Variants in BMPR2 observed in about 807,000 individuals in gnomAD.
BMPR2 encodes the protein bone morphogenetic protein receptor type 2, also known as bone morphogenetic protein receptor type-2.
A neutral mutation model predicts 100.8 loss-of-function variants in BMPR2; 29 were observed. The ratio of observed to expected loss-of-function variants is 0.29; its 90% CI spans 0.21 to 0.39. BMPR2 has a LOEUF of 0.39. Among genes scored for constraint, BMPR2 ranks in the 10% least tolerant of loss-of-function variants. The pLI is 1.00. For missense variants in BMPR2, 1,011 were observed against 1,274.5 expected, an observed-to-expected ratio of 0.79 and a Z score of 3.15; for synonymous variants, 382 against 442.3, an observed-to-expected ratio of 0.86 and a Z score of 1.71.
At chr2:202,463,104 C>G (rs1426306555) in intron 1 of BMPR2, among the ~76,000 whole-genome samples, 1 of 152,096 alleles carries the variant, frequency 6.6e-6, no homozygotes, top group African/African-American at 2.4e-5. Context: ...TTAACCCAAT[C>G]TCTTCATTTA....
intron 1 of BMPR2, among the ~76,000 whole-genome samples, chr2:202,446,189 T>A (rs1056113168): frequency 1.3e-5 from 2 of 150,092 alleles, no homozygotes; most frequent in African/African-American, 2.5e-5. Context: ...TCCCCTGAGG[T>A]TGGGAGTTCA....
Position 202,565,746 on chromosome 2 carries a change from G to A in BMPR2, c.*5800G>A, listed in dbSNP as rs1485570509. ...TCAGGTATTATCTATGGACATTTTT[G>A]TAGACCACTTTTGAAATACTTATTA... On this transcript the variant is annotated 3_prime_UTR_variant, in exon 13 of 13. Transcript: ENST00000374580. 6.6e-6 allele frequency: 1 copy of A among 152,276 alleles called. No individual in the cohort carries two copies. The highest frequency in any genetic ancestry group is 1.5e-5 in the Non-Finnish European group (1 of 67,998). The allele number at this position is 152,276 out of a possible 1,614,324, so 9.4% of individuals were successfully genotyped here. A position where few individuals can be genotyped will look rare whatever the true frequency, so the allele number is the denominator to read the frequency against.
chr2:202,430,240 G>A (rs1691476603), intron 1 of BMPR2, among the ~76,000 whole-genome samples: 1 of 152,194 alleles, frequency 6.6e-6, no homozygotes, highest in Admixed American at 6.5e-5. Flanking sequence ...TAGTCACACT[G>A]AGGGGGGATA....
At chr2:202,485,545 C>CTTTTTCTTTTT (rs1692756931) in intron 3 of BMPR2, among the ~76,000 whole-genome samples, 4 of 64,018 alleles carry the variant, frequency 6.2e-5, no homozygotes, top group Admixed American at 3.1e-4. Context: ...TTGCCTTTAT[C>CTTTTTCTTTTT]TTTTTTTTTT....
chr2:202,411,375 G>T (rs1691010100), intron 1 of BMPR2, among the ~76,000 whole-genome samples: 1 of 152,202 alleles, frequency 6.6e-6, no homozygotes, highest in African/African-American at 2.4e-5. Flanking sequence ...GTGGAGGCAG[G>T]CTTTATTGGT....
In BMPR2 at chr2:202,377,664, G is replaced by A. The variant is rs951402046; in HGVS notation, c.76+114G>A. 4.7e-6 allele frequency: 6 copies of A among 1,280,262 alleles called. No individual in the cohort carries two copies. The African/African-American group carries it at 8.8e-5, about 19-fold the overall frequency. 79.3% of individuals were successfully genotyped at this position (1,280,262 alleles called of 1,614,324 possible). On this transcript the variant is annotated intron_variant, in intron 1 of 12. Coordinates refer to ENST00000374580, the MANE Select transcript of BMPR2 (RefSeq NM_001204.7). Reference sequence around the variant, plus strand: ...TTCGCCATGCGTCCCCCCGATCGCGGTGCAGCGGAGCTGCGACCCGGTGCC... The same window carrying A: ...TTCGCCATGCGTCCCCCCGATCGCGATGCAGCGGAGCTGCGACCCGGTGCC...
intron 1 of BMPR2, among the ~76,000 whole-genome samples, chr2:202,398,141 A>G (rs1225852715): frequency 6.6e-6 from 1 of 151,864 alleles, no homozygotes; most frequent in Non-Finnish European, 1.5e-5. Context: ...ACTTACCTGT[A>G]CTTACTTTTC....
Position 202,563,029 on chromosome 2 carries a change from AACAG to A in BMPR2, c.*3087_*3090del, listed in dbSNP as rs1044123521. 2.6e-5 allele frequency: 4 copies of A among 152,244 alleles called. No homozygotes were observed. The highest frequency in any genetic ancestry group is 5.9e-5 in the Non-Finnish European group (4 of 68,042). The allele number at this position is 152,244 out of a possible 1,614,324, so 9.4% of individuals were successfully genotyped here. ...AATATGCCCAAGGTCCACATCTAGT[AACAG>A]ACAAAGCTGGGATTTCAGTCTATGT... On this transcript the variant is annotated 3_prime_UTR_variant, in exon 13 of 13. Transcript: ENST00000374580.
chr2:202,542,667 G>A (rs920496972), intron 10 of BMPR2, among the ~76,000 whole-genome samples: 3 of 152,058 alleles, frequency 2.0e-5, no homozygotes, highest in African/African-American at 7.2e-5. Context: ...ACTATTTAGA[G>A]AGAATAACTA....
chr2:202,551,504 A>G (rs1688477775), intron 10 of BMPR2, among the ~76,000 whole-genome samples: 1 of 152,054 alleles, frequency 6.6e-6, no homozygotes, highest in Non-Finnish European at 1.5e-5. Flanking sequence ...AGCCTGGGCA[A>G]CATTGCAAGA....
chr2:202,430,094 C>T (rs1049323853), intron 1 of BMPR2, among the ~76,000 whole-genome samples: 18 of 152,158 alleles, frequency 1.2e-4, no homozygotes, highest in African/African-American at 3.4e-4. Flanking sequence ...GGTGAGAGCT[C>T]TGGGTTGCCT....
intron 9 of BMPR2, among the ~76,000 whole-genome samples, chr2:202,537,414 G>A (rs1360256363): frequency 1.3e-5 from 2 of 152,130 alleles, no homozygotes; most frequent in African/African-American, 4.8e-5. Flanking sequence ...TTAAATGTTT[G>A]AATAGGGAAA....
At chr2:202,425,063 G>T (rs1691359141) in intron 1 of BMPR2, among the ~76,000 whole-genome samples, 1 of 151,890 alleles carries the variant, frequency 6.6e-6, no homozygotes, top group African/African-American at 2.4e-5. Context: ...GGTTCAAGCA[G>T]TTGTCCTGTC....
intron 9 of BMPR2, among the ~76,000 whole-genome samples, chr2:202,540,615 T>C (rs961577766): frequency 6.6e-6 from 1 of 152,196 alleles, no homozygotes; most frequent in Non-Finnish European, 1.5e-5. Context: ...ATTAGTTGTT[T>C]TGAGTATTCA....
intron 9 of BMPR2, among the ~76,000 whole-genome samples, chr2:202,534,062 C>G (rs1379101199): frequency 6.6e-6 from 1 of 151,608 alleles, no homozygotes; most frequent in Non-Finnish European, 1.5e-5. Flanking sequence ...TAGCATTGGA[C>G]AAATTTATGA....
At position 202,555,331 on chromosome 2, in the gene BMPR2, A is replaced by G; in HGVS notation, c.1666A>G (p.Ile556Val). The G allele has an allele frequency of 6.2e-7, 1 of 1,614,132 alleles. No homozygotes were observed. ...TTCCTCCTCATACATTGAAGACTCT[A>G]TCCATCATACTGACAGCATCGTGAA... ...YSSSSYIEDSIHHTDSIVKNI... is the reference protein window; with the variant it reads ...YSSSSYIEDSVHHTDSIVKNI... The change falls in exon 12 of 13, where the codon ATC becomes GTC. Residue 556 changes from isoleucine (I) to valine (V), a missense_variant. Physicochemically the swap from Ile to Val is conservative, Grantham distance 29. Coordinates refer to ENST00000374580, the MANE Select transcript of BMPR2 (RefSeq NM_001204.7).
At chr2:202,558,183 G>A (rs1249059156) in intron 12 of BMPR2, among the ~76,000 whole-genome samples, 2 of 152,132 alleles carry the variant, frequency 1.3e-5, no homozygotes, top group Admixed American at 1.3e-4. Context: ...GTTTGGTGTG[G>A]TGGTCTGCAA....
At chr2:202,498,252 G>C (rs1473252420) in intron 3 of BMPR2, among the ~76,000 whole-genome samples, 4 of 152,184 alleles carry the variant, frequency 2.6e-5, no homozygotes, top group Non-Finnish European at 5.9e-5. Flanking sequence ...TGTGGTCTAG[G>C]AGGACAGGCA....
chr2:202,393,882 CG>C (rs1690602343), intron 1 of BMPR2, among the ~76,000 whole-genome samples: 41 of 97,870 alleles, frequency 4.2e-4, no homozygotes, highest in African/African-American at 2.1e-4. Context: ...AATGAGAGAG[CG>C]AGAGAGAGAG....
Sources: gnomAD v4.1 joint callset for allele counts (sites outside exome capture counted in the v4.1 genomes callset) on GRCh38, gnomAD v4.1.1 for gene constraint, MANE v1.5 for transcripts, NCBI Gene and HGNC (gene_info 2026-07-23, HGNC 2026-07-21) for gene names.